KCNC2: variants seen among roughly 807,000 people sequenced by gnomAD.
The protein encoded by KCNC2 is voltage-gated potassium channel KCNC2.
Under a neutral mutation model 44.5 loss-of-function variants are expected in KCNC2, and 21 were observed. The ratio of observed to expected loss-of-function variants is 0.47; its 90% confidence interval spans 0.33 to 0.68. KCNC2 has a LOEUF of 0.68. KCNC2 is among the 30% of genes least tolerant of loss of function. KCNC2 has a pLI of 0.01. For missense variants in KCNC2, 589 were observed against 826.2 expected (o/e 0.71, Z 3.52); for synonymous variants, 391 against 339.1 (o/e 1.15, Z -1.68).
chr12:75,079,724 TGC>T (rs1884311036), intron 2 of KCNC2, among the ~76,000 whole-genome samples: 1 of 152,122 alleles, frequency 6.6e-6, no homozygotes, highest in African/African-American at 2.4e-5. Context: ...GCAACCAAAT[TGC>T]GAGCTGGAGT....
intron 2 of KCNC2, among the ~76,000 whole-genome samples, chr12:75,190,049 C>A (rs988857585): frequency 3.9e-5 from 6 of 152,148 alleles, no homozygotes; most frequent in African/African-American, 1.4e-4. Flanking sequence ...AGAATGTTCA[C>A]TTTATGTCAG....
chr12:75,195,608 C>T (rs1408730342), intron 2 of KCNC2, among the ~76,000 whole-genome samples: 2 of 152,122 alleles, frequency 1.3e-5, no homozygotes, highest in Admixed American at 6.6e-5. Context: ...TACCATTTTA[C>T]TTCATTCCTC....
intron 2 of KCNC2, among the ~76,000 whole-genome samples, chr12:75,195,766 T>C (rs2030707763): frequency 6.6e-6 from 1 of 152,156 alleles, no homozygotes; most frequent in Non-Finnish European, 1.5e-5. Flanking sequence ...CAGAATGATA[T>C]TGCCGATTAC....
At chr12:75,183,313 T>A (rs1340532877) in intron 2 of KCNC2, among the ~76,000 whole-genome samples, 1 of 152,188 alleles carries the variant, frequency 6.6e-6, no homozygotes, top group Non-Finnish European at 1.5e-5. Flanking sequence ...ATTTGACCAA[T>A]CCTTTGTGCT....
At chr12:75,144,025 G>A (rs763788058) in intron 2 of KCNC2, among the ~76,000 whole-genome samples, 9 of 152,064 alleles carry the variant, frequency 5.9e-5, no homozygotes, top group Non-Finnish European at 1.3e-4. Flanking sequence ...ACCATTCATG[G>A]TGAACATCCA....
intron 2 of KCNC2, among the ~76,000 whole-genome samples, chr12:75,204,475 G>A (rs1593094638): frequency 1.3e-5 from 2 of 151,870 alleles, no homozygotes; most frequent in South Asian, 4.2e-4. Flanking sequence ...TTGTGAAACA[G>A]GTATAATGAG....
chr12:75,140,500 T>A (rs2137400318), intron 2 of KCNC2, among the ~76,000 whole-genome samples: 1 of 152,338 alleles, frequency 6.6e-6, no homozygotes, highest in Admixed American at 6.5e-5. Flanking sequence ...TGAACTAAGT[T>A]GATCAATGTC....
intron 2 of KCNC2, among the ~76,000 whole-genome samples, chr12:75,134,727 G>A (rs1555215228): frequency 6.6e-6 from 1 of 151,876 alleles, no homozygotes; most frequent in Non-Finnish European, 1.5e-5. Context: ...CATAGATAAT[G>A]AACGACAAAA....
intron 2 of KCNC2, among the ~76,000 whole-genome samples, chr12:75,083,742 G>A (rs1166267469): frequency 6.6e-6 from 1 of 151,812 alleles, no homozygotes; most frequent in African/African-American, 2.4e-5. Flanking sequence ...TGCCATATTT[G>A]TAACTCAGAA....
At chr12:75,102,147 G>A (rs886998583) in intron 2 of KCNC2, among the ~76,000 whole-genome samples, 1 of 152,014 alleles carries the variant, frequency 6.6e-6, no homozygotes, top group African/African-American at 2.4e-5. Flanking sequence ...TTCCTTTTCA[G>A]CCAGTAGGGA....
rs1889152882 is a variant in KCNC2, at chr12:75,135,379, T to C, written c.687+71918A>G. 3.9e-5 allele frequency among the ~76,000 whole-genome samples: 6 copies of C among 152,190 alleles called. No homozygotes were observed. In the South Asian group the frequency reaches 1.2e-3, roughly 32 times the overall value. On this transcript the variant is annotated intron_variant, in intron 2 of 4. Coordinates refer to ENST00000549446, the MANE Select transcript of KCNC2 (RefSeq NM_139137.4). Reference sequence around the variant, plus strand: ...ACAGGGCAGATCTGTGTTATTCCAGTTGTACATTCAAATACATACTGCATG... The same window carrying C: ...ACAGGGCAGATCTGTGTTATTCCAGCTGTACATTCAAATACATACTGCATG...
intron 2 of KCNC2, among the ~76,000 whole-genome samples, chr12:75,064,318 C>T (rs981702163): frequency 2.6e-5 from 4 of 152,006 alleles, no homozygotes; most frequent in African/African-American, 9.7e-5. Flanking sequence ...AATCTCCCCA[C>T]ATATTGGATA....
chr12:75,153,244 G>C (rs563692656), intron 2 of KCNC2, among the ~76,000 whole-genome samples: 11 of 152,092 alleles, frequency 7.2e-5, no homozygotes, highest in African/African-American at 1.9e-4. Context: ...CAGGCTGAGG[G>C]AGGTAGCAAC....
At chr12:75,123,061 T>C (rs1321488762) in intron 2 of KCNC2, among the ~76,000 whole-genome samples, 2 of 152,058 alleles carry the variant, frequency 1.3e-5, no homozygotes, top group Non-Finnish European at 2.9e-5. Flanking sequence ...TAAGTACAAA[T>C]TTTATTTAAA....
At chr12:75,158,410 GAT>G (rs369565403) in intron 2 of KCNC2, among the ~76,000 whole-genome samples, 1,633 of 151,558 alleles carry the variant, frequency 0.011, 31 homozygotes, top group African/African-American at 0.037. Flanking sequence ...TATATTTTTA[GAT>G]ACACTTGAGA....
At chr12:75,081,493 G>C (rs534493682) in intron 2 of KCNC2, among the ~76,000 whole-genome samples, 8 of 150,850 alleles carry the variant, frequency 5.3e-5, no homozygotes, top group Non-Finnish European at 1.0e-4. Context: ...AAGATCTGAG[G>C]CTCACTTGAC....
At chr12:75,110,171 A>G (rs1887116262) in intron 2 of KCNC2, among the ~76,000 whole-genome samples, 1 of 152,146 alleles carries the variant, frequency 6.6e-6, no homozygotes, top group African/African-American at 2.4e-5. Context: ...CACTTGAGCT[A>G]CAGATTGAAA....
chr12:75,179,704 G>GTTT (rs1892436163), intron 2 of KCNC2, among the ~76,000 whole-genome samples: 12 of 79,360 alleles, frequency 1.5e-4, no homozygotes, highest in African/African-American at 5.3e-4. Flanking sequence ...AAAACTACTT[G>GTTT]TATATCTTTT....
intron 2 of KCNC2, among the ~76,000 whole-genome samples, chr12:75,178,252 A>G (rs935938581): frequency 2.2e-4 from 33 of 152,158 alleles, no homozygotes; most frequent in Admixed American, 2.2e-3. Context: ...ATTCCACTGT[A>G]CCAAAGAAAT....
Sources: gnomAD v4.1 joint callset for allele counts (sites outside exome capture counted in the v4.1 genomes callset) on GRCh38, gnomAD v4.1.1 for gene constraint, MANE v1.5 for transcripts, NCBI Gene and HGNC (gene_info 2026-07-23, HGNC 2026-07-21) for gene names.